Variants in PDZRN3 observed in about 807,000 individuals in gnomAD.
The protein encoded by PDZRN3 is E3 ubiquitin-protein ligase PDZRN3.
Under a neutral mutation model 85.7 loss-of-function variants are expected in PDZRN3, and 38 were observed. The ratio of observed to expected loss-of-function variants is 0.44; its 90% CI spans 0.34 to 0.58. PDZRN3 has a LOEUF of 0.58. Ranked by LOEUF, PDZRN3 falls within the 20% of genes least tolerant of loss-of-function variation. The pLI is 0.01. For synonymous variants in PDZRN3, 759 were observed against 638.0 expected (o/e 1.19, Z -2.86); for missense variants, 1,629 against 1,506.4 (o/e 1.08, Z -1.35).
rs1421653652 is a variant in PDZRN3, at chr3:73,587,162, T to C, written c.918+15192A>G. On this transcript the variant is annotated intron_variant, in intron 3 of 9. Transcript: ENST00000263666. The stretch of plus-strand genomic sequence containing the variant: ...CAAACTGTGGGCCACTGCCCTTTAG[T>C]GAGCCATGAAATCAATGTAGTGAGT... Among the ~76,000 whole-genome samples, 3 of 152,214 alleles carry C rather than the reference T, an allele frequency of 2.0e-5. No individual in the cohort carries two copies. The East Asian group carries it at 5.8e-4, about 29-fold the overall frequency.
chr3:73,442,597 G>A (rs531759013), intron 3 of PDZRN3, among the ~76,000 whole-genome samples: 23 of 152,136 alleles, frequency 1.5e-4, no homozygotes, highest in Non-Finnish European at 2.8e-4. Flanking sequence ...AGAATTAGGT[G>A]AGAGGTCACA....
chr3:73,589,018 C>G (rs1218722118), intron 3 of PDZRN3, among the ~76,000 whole-genome samples: 1 of 151,604 alleles, frequency 6.6e-6, no homozygotes, highest in Non-Finnish European at 1.5e-5. Context: ...ATTCATAAAA[C>G]AGTTTAATGG....
chr3:73,388,289 T>C (rs1701442010), intron 7 of PDZRN3: 3 of 412,604 alleles, frequency 7.3e-6, no homozygotes, highest in East Asian at 3.8e-5. Context: ...TCCATGAGTA[T>C]AGTTCATGAG....
intron 3 of PDZRN3, among the ~76,000 whole-genome samples, chr3:73,549,938 T>A (rs1200835724): frequency 1.3e-5 from 2 of 152,226 alleles, no homozygotes; most frequent in Non-Finnish European, 2.9e-5. Flanking sequence ...ACTTCTCACC[T>A]GCCTCTAATC....
At chr3:73,393,002 C>G (rs191575047) in intron 5 of PDZRN3, among the ~76,000 whole-genome samples, 2 of 152,242 alleles carry the variant, frequency 1.3e-5, no homozygotes, top group Admixed American at 6.5e-5. Context: ...CCCTGTCTCT[C>G]TTAGGGTACA....
At chr3:73,386,055 C>T (rs1316390828) in intron 8 of PDZRN3, among the ~76,000 whole-genome samples, 1 of 151,770 alleles carries the variant, frequency 6.6e-6, no homozygotes. Context: ...TCCATCTCAG[C>T]TACCTTCAGT....
intron 3 of PDZRN3, among the ~76,000 whole-genome samples, chr3:73,548,653 T>C (rs1458905612): frequency 6.6e-6 from 1 of 152,200 alleles, no homozygotes; most frequent in Non-Finnish European, 1.5e-5. Flanking sequence ...GAGGGGGCAA[T>C]AAAGAAGCTA....
At chr3:73,585,819 T>C (rs1702269390) in intron 3 of PDZRN3, among the ~76,000 whole-genome samples, 2 of 152,278 alleles carry the variant, frequency 1.3e-5, no homozygotes, top group Admixed American at 1.3e-4. Flanking sequence ...ATCCAAGTCA[T>C]TGAAGGAAGA....
chr3:73,488,507 A>G (rs1210543825), intron 3 of PDZRN3, among the ~76,000 whole-genome samples: 1 of 152,102 alleles, frequency 6.6e-6, no homozygotes, highest in African/African-American at 2.4e-5. Context: ...CTTGGATGCT[A>G]CCTTCTCATA....
At chr3:73,453,404 C>CAAAAAAAAAAAAAAAAAAAAAAAAAA (rs1184407369) in intron 3 of PDZRN3, among the ~76,000 whole-genome samples, 1 of 97,542 alleles carries the variant, frequency 1.0e-5, no homozygotes, top group African/African-American at 3.6e-5. Flanking sequence ...GACTTCGTCT[C>CAAAAAAAAAAAAAAAAAAAAAAAAAA]AAAAAAAAAA....
At chr3:73,536,494 T>C (rs1381354407) in intron 3 of PDZRN3, among the ~76,000 whole-genome samples, 1 of 152,242 alleles carries the variant, frequency 6.6e-6, no homozygotes. Context: ...GTGTGTCATT[T>C]TGGAGCATCT....
At chr3:73,484,130 A>T (rs930000226) in intron 3 of PDZRN3, among the ~76,000 whole-genome samples, 1 of 152,152 alleles carries the variant, frequency 6.6e-6, no homozygotes, top group South Asian at 2.1e-4. Flanking sequence ...TAAAGTTAGA[A>T]CTGGAAGGAA....
rs75614058 is a variant in PDZRN3, at chr3:73,395,665, G to A, written c.1255-4549C>T. Among the ~76,000 whole-genome samples, 653 of 152,328 alleles carry A rather than the reference G, an allele frequency of 4.3e-3. 6 individuals are homozygous for A. The highest frequency in any genetic ancestry group is 6.8e-3 in the Non-Finnish European group (466 of 68,036). ...TCAACTTACTGGTCCAGGTTGCTGT[G>A]CACATTTAAGTTATCTCAACAGTTT... is the stretch of plus-strand genomic sequence containing the variant. On this transcript the variant is annotated intron_variant, in intron 5 of 9. Coordinates refer to ENST00000263666, the MANE Select transcript of PDZRN3 (RefSeq NM_015009.3).
intron 3 of PDZRN3, chr3:73,569,021 C>T (rs1575743158): frequency 2.3e-6 from 1 of 428,476 alleles, no homozygotes; most frequent in Non-Finnish European, 4.5e-6. Context: ...TATCATTATT[C>T]CCATTTCTAG....
intron 3 of PDZRN3, among the ~76,000 whole-genome samples, chr3:73,467,947 G>T (rs2106878685): frequency 6.6e-6 from 1 of 152,290 alleles, no homozygotes; most frequent in African/African-American, 2.4e-5. Flanking sequence ...GTTAGAGGAA[G>T]GAGGGAATTA....
intron 3 of PDZRN3, among the ~76,000 whole-genome samples, chr3:73,546,875 G>C (rs553742991): frequency 6.6e-6 from 1 of 152,166 alleles, no homozygotes; most frequent in African/African-American, 2.4e-5. Flanking sequence ...TTATTACACC[G>C]TATGCATCCA....
chr3:73,497,810 C>G (rs181545819), intron 3 of PDZRN3, among the ~76,000 whole-genome samples: 1 of 151,796 alleles, frequency 6.6e-6, no homozygotes, highest in Non-Finnish European at 1.5e-5. Context: ...CCCCCGTCCC[C>G]GCCCCCGCCA....
intron 3 of PDZRN3, among the ~76,000 whole-genome samples, chr3:73,557,992 A>C (rs1186749329): frequency 6.6e-6 from 1 of 152,164 alleles, no homozygotes; most frequent in Non-Finnish European, 1.5e-5. Context: ...ATAGAATTTC[A>C]CTTTGTCACA....
At chr3:73,585,208 C>T (rs1702260820) in intron 3 of PDZRN3, among the ~76,000 whole-genome samples, 2 of 152,120 alleles carry the variant, frequency 1.3e-5, no homozygotes, top group Non-Finnish European at 2.9e-5. Context: ...TTTAAAGTTT[C>T]TTAGCAAATG....
Sources: allele counts gnomAD v4.1 joint callset (sites outside exome capture counted in the v4.1 genomes callset), GRCh38; gene constraint gnomAD v4.1.1; transcripts MANE v1.5; gene names NCBI Gene and HGNC (gene_info 2026-07-23, HGNC 2026-07-21).